GABRR3: variants seen among roughly 807,000 people sequenced by gnomAD.
The protein encoded by GABRR3 is gamma-aminobutyric acid receptor subunit rho-3.
GABRR3 carries 29 observed loss-of-function variants against 43.2 expected under a neutral mutation model. The observed-to-expected ratio is 0.67, with a 90% CI of 0.50 to 0.92. The LOEUF (loss-of-function observed/expected upper bound fraction) is 0.92, where lower values mean the gene tolerates loss of function less well. Among genes scored for constraint, GABRR3 ranks in the 40% least tolerant of loss-of-function variants. The pLI is 0.00. For synonymous variants in GABRR3, 206 were observed against 195.9 expected (o/e 1.05, Z -0.43); for missense variants, 576 against 572.3 (o/e 1.01, Z -0.07).
intron 8 of GABRR3, 43 bp downstream of exon 8, chr3:98,001,572 T>C (rs748078583): frequency 6.2e-7 from 1 of 1,607,496 alleles, no homozygotes; most frequent in Non-Finnish European, 8.5e-7. Flanking sequence ...TCCCTTGAAC[T>C]TTCTCCCATG....
intron 9 of GABRR3, among the ~76,000 whole-genome samples, chr3:97,987,817 T>C (rs1469386411): frequency 6.6e-6 from 1 of 152,068 alleles, no homozygotes. Flanking sequence ...CACTCTATCA[T>C]CTAGGCTGGA....
chr3:98,031,344 G>A (rs550426016), intron 2 of GABRR3, among the ~76,000 whole-genome samples: 1 of 152,132 alleles, frequency 6.6e-6, no homozygotes, highest in Non-Finnish European at 1.5e-5. Context: ...TTAAAAAATG[G>A]TTCACGTGGT....
intron 3 of GABRR3, among the ~76,000 whole-genome samples, chr3:98,019,323 T>G (rs1382813068): frequency 6.6e-6 from 1 of 152,142 alleles, no homozygotes. Context: ...CCAAGGTATG[T>G]CTTGCCAGTC....
At chr3:97,990,503 A>G (rs545869254) in intron 9 of GABRR3, among the ~76,000 whole-genome samples, 38 of 151,980 alleles carry the variant, frequency 2.5e-4, no homozygotes, top group Non-Finnish European at 4.4e-4. Context: ...TTCCCACCAC[A>G]CGCCCGGCTA....
intron 9 of GABRR3, among the ~76,000 whole-genome samples, chr3:97,987,670 T>C (rs1313119001): frequency 3.3e-5 from 5 of 152,214 alleles, no homozygotes; most frequent in African/African-American, 1.2e-4. Context: ...TTTTACTGAA[T>C]TCAAAAGACA....
chr3:98,030,114 GAA>G (rs35867090), intron 2 of GABRR3, among the ~76,000 whole-genome samples: 154 of 139,898 alleles, frequency 1.1e-3, no homozygotes, highest in East Asian at 2.3e-3. Flanking sequence ...GACTGTCTTG[GAA>G]AAAAAAAAAA....
At chr3:97,990,342 CT>C (rs1251088866) in intron 9 of GABRR3, among the ~76,000 whole-genome samples, 1 of 145,628 alleles carries the variant, frequency 6.9e-6, no homozygotes, top group Admixed American at 7.2e-5. Flanking sequence ...GCCATCAAGA[CT>C]TCTTCTTTTT....
intron 1 of GABRR3, 81 bp downstream of exon 1, chr3:98,035,109 A>T: frequency 8.2e-7 from 1 of 1,221,526 alleles, no homozygotes; most frequent in Non-Finnish European, 1.1e-6. Flanking sequence ...CATTAGGGGA[A>T]AAAGAAAGAC....
chr3:98,033,963 C>G (rs995942551), intron 2 of GABRR3, among the ~76,000 whole-genome samples: 1 of 152,154 alleles, frequency 6.6e-6, no homozygotes, highest in Non-Finnish European at 1.5e-5. Context: ...TTTATGTTCT[C>G]TTTCCTGATC....
intron 5 of GABRR3, among the ~76,000 whole-genome samples, chr3:98,010,838 A>G (rs832026): frequency 0.77 from 117,800 of 152,176 alleles, 46,018 homozygotes; most frequent in East Asian, 0.99. Flanking sequence ...CATGGCTCAC[A>G]CCTGTAACGC....
At position 98,012,700 on chromosome 3, in the gene GABRR3, C is replaced by CAAGTAGATCT. The variant is rs148460547; in HGVS notation, c.307-143_307-134dup. On this transcript the variant is annotated intron_variant, in intron 4 of 9. Transcript: ENST00000621172. ...AAGTGAATGGTTAATATTGTAGTTT[C>CAAGTAGATCT]AAGTAGATCTAGGATGAAGCTAAGG... The CAAGTAGATCT allele has an allele frequency of 2.3e-3, 1,478 of 629,236 alleles. 14 individuals carry two copies. Among genetic ancestry groups the CAAGTAGATCT allele is most frequent in the African/African-American group, 0.022 (1,205 of 54,526 alleles). The allele number at this position is 629,236 out of a possible 1,614,324, so 39.0% of individuals were successfully genotyped here. A position where few individuals can be genotyped will look rare whatever the true frequency, so the allele number is the denominator to read the frequency against.
intron 7 of GABRR3, among the ~76,000 whole-genome samples, chr3:98,003,736 A>G (rs1235883203): frequency 6.6e-6 from 1 of 152,024 alleles, no homozygotes; most frequent in Non-Finnish European, 1.5e-5. Context: ...AAAAGTTCAA[A>G]CCATGCATCT....
chr3:98,029,449 G>C lies in GABRR3; in HGVS notation c.126-3770C>G, dbSNP rs1707059653. ...TTTGAGGAGGACATAGTAGTCAAAG[G>C]ATTAAAAACTAGAACTGATTGAGGA... On this transcript the variant is annotated intron_variant, in intron 2 of 9. Coordinates refer to ENST00000621172, the Ensembl canonical transcript of GABRR3. 3.3e-5 allele frequency among the ~76,000 whole-genome samples: 5 copies of C among 152,086 alleles called. No individual in the cohort carries two copies. The South Asian group carries it at 1.0e-3, about 32-fold the overall frequency.
At chr3:98,030,826 A>G (rs1337467590) in intron 2 of GABRR3, among the ~76,000 whole-genome samples, 3 of 152,232 alleles carry the variant, frequency 2.0e-5, no homozygotes, top group Non-Finnish European at 4.4e-5. Flanking sequence ...AAAATTTTAA[A>G]AACTTTTTGT....
At chr3:98,032,860 T>G (rs955236328) in intron 2 of GABRR3, among the ~76,000 whole-genome samples, 4 of 152,190 alleles carry the variant, frequency 2.6e-5, no homozygotes, top group African/African-American at 7.2e-5. Flanking sequence ...TTTTGCATTA[T>G]AGAAGAGTGG....
chr3:98,007,199 A>T (rs544865328), intron 7 of GABRR3, among the ~76,000 whole-genome samples: 17 of 152,224 alleles, frequency 1.1e-4, no homozygotes, highest in African/African-American at 4.1e-4. Flanking sequence ...TGGTTAGGAA[A>T]GCACTGTTTG....
At chr3:98,022,414 C>T (rs1475196658) in intron 3 of GABRR3, among the ~76,000 whole-genome samples, 1 of 152,150 alleles carries the variant, frequency 6.6e-6, no homozygotes, top group Non-Finnish European at 1.5e-5. Context: ...CACATTAAGG[C>T]AAGAGAAGTG....
intron 7 of GABRR3, among the ~76,000 whole-genome samples, chr3:98,006,977 G>A (rs534910513): frequency 6.6e-6 from 1 of 152,286 alleles, no homozygotes; most frequent in Admixed American, 6.5e-5. Flanking sequence ...TCATTCAGCT[G>A]ATTTTTATTG....
At chr3:97,995,635 A>C (rs1706543062) in intron 8 of GABRR3, among the ~76,000 whole-genome samples, 1 of 151,596 alleles carries the variant, frequency 6.6e-6, no homozygotes, top group Non-Finnish European at 1.5e-5. Context: ...AGTGGAGAGG[A>C]GGGATTGTTG....
Sources: allele counts gnomAD v4.1 joint callset (sites outside exome capture counted in the v4.1 genomes callset), GRCh38; gene constraint gnomAD v4.1.1; transcripts MANE v1.5; gene names NCBI Gene and HGNC (gene_info 2026-07-23, HGNC 2026-07-21).